GALNT17: variants seen among roughly 807,000 people sequenced by gnomAD.
The protein encoded by GALNT17 is polypeptide N-acetylgalactosaminyltransferase 17, also known as UDP-GalNAc:polypeptide N-acetylgalactosaminyltransferase-like 3.
GALNT17 carries 29 observed loss-of-function variants against 63.7 expected under a neutral mutation model. The ratio of observed to expected loss-of-function variants is 0.46; its 90% confidence interval spans 0.34 to 0.62. The LOEUF (loss-of-function observed/expected upper bound fraction) is 0.62, where lower values mean the gene tolerates loss of function less well. GALNT17 is among the 20% of genes least tolerant of loss of function. The probability of loss-of-function intolerance (pLI) is 0.01; values close to 1 mark genes in which losing one functional copy is unlikely to be tolerated. For synonymous variants in GALNT17, 305 were observed against 318.3 expected (o/e 0.96, Z 0.45); for missense variants, 603 against 799.6 (o/e 0.75, Z 2.97).
At chr7:71,166,532 C>A (rs1338064564) in intron 1 of GALNT17, among the ~76,000 whole-genome samples, 1 of 152,192 alleles carries the variant, frequency 6.6e-6, no homozygotes, top group Non-Finnish European at 1.5e-5. Context: ...TTTACTGAGG[C>A]AACCACTGAT....
intron 1 of GALNT17, among the ~76,000 whole-genome samples, chr7:71,293,056 T>C (rs773241883): frequency 6.7e-5 from 10 of 149,264 alleles, no homozygotes; most frequent in Admixed American, 2.0e-4. Context: ...TGCTATTCCA[T>C]TGTGTATGTG....
chr7:71,439,941 CTCT>C, intron 5 of GALNT17, among the ~76,000 whole-genome samples: 1 of 145,158 alleles, frequency 6.9e-6, no homozygotes, highest in South Asian at 2.3e-4. Context: ...CTTCCAGGCC[CTCT>C]TTTTTTTTTT....
At chr7:71,242,976 A>G (rs892665027) in intron 1 of GALNT17, among the ~76,000 whole-genome samples, 5 of 152,164 alleles carry the variant, frequency 3.3e-5, no homozygotes, top group Admixed American at 6.5e-5. Flanking sequence ...TAGATAACCT[A>G]TCTGGTCCAC....
At chr7:71,138,638 A>G (rs1787830275) in intron 1 of GALNT17, among the ~76,000 whole-genome samples, 1 of 152,216 alleles carries the variant, frequency 6.6e-6, no homozygotes, top group Non-Finnish European at 1.5e-5. Flanking sequence ...TGTTAAAAAA[A>G]TTTAACATGA....
At chr7:71,189,733 T>G (rs900526456) in intron 1 of GALNT17, among the ~76,000 whole-genome samples, 1 of 152,132 alleles carries the variant, frequency 6.6e-6, no homozygotes, top group African/African-American at 2.4e-5. Context: ...CATCTTTAGT[T>G]TGAGCTTTTA....
At chr7:71,133,790 C>G (rs1787732328) in intron 1 of GALNT17, among the ~76,000 whole-genome samples, 1 of 152,150 alleles carries the variant, frequency 6.6e-6, no homozygotes, top group African/African-American at 2.4e-5. Context: ...TCTTGTCACA[C>G]CTGGGCCAGG....
chr7:71,679,510 G>A, intron 9 of GALNT17, among the ~76,000 whole-genome samples: 1 of 152,190 alleles, frequency 6.6e-6, no homozygotes, highest in East Asian at 1.9e-4. Context: ...CTGGTATGAT[G>A]CAGTCTTTGC....
At chr7:71,401,792 C>T (rs1400819180) in intron 3 of GALNT17, among the ~76,000 whole-genome samples, 2 of 152,134 alleles carry the variant, frequency 1.3e-5, no homozygotes, top group African/African-American at 2.4e-5. Flanking sequence ...AAAACAAGCT[C>T]AGGGCTCCCA....
At chr7:71,465,828 A>G (rs1388730705) in intron 5 of GALNT17, among the ~76,000 whole-genome samples, 1 of 152,202 alleles carries the variant, frequency 6.6e-6, no homozygotes, top group Non-Finnish European at 1.5e-5. Context: ...TATGGTGGTA[A>G]GTCAGCTTTT....
chr7:71,152,043 A>G (rs748138725), intron 1 of GALNT17, among the ~76,000 whole-genome samples: 1 of 152,282 alleles, frequency 6.6e-6, no homozygotes, highest in African/African-American at 2.4e-5. Context: ...AGAGCTCTTT[A>G]ATGATGTTAA....
chr7:71,583,996 G>A (rs1471739479), intron 6 of GALNT17, among the ~76,000 whole-genome samples: 1 of 152,050 alleles, frequency 6.6e-6, no homozygotes, highest in Non-Finnish European at 1.5e-5. Flanking sequence ...GCCGGGCGTG[G>A]TGGCACGCGC....
At chr7:71,609,080 C>T (rs746862896) in intron 6 of GALNT17, among the ~76,000 whole-genome samples, 1 of 152,118 alleles carries the variant, frequency 6.6e-6, no homozygotes, top group African/African-American at 2.4e-5. Context: ...TGCACCCAGC[C>T]ATCTTTTACT....
intron 1 of GALNT17, among the ~76,000 whole-genome samples, chr7:71,321,964 T>TTG: frequency 3.0e-5 from 1 of 33,344 alleles, no homozygotes; most frequent in East Asian, 7.7e-4. Flanking sequence ...TTCCTTCCTT[T>TTG]TTTTTGAGAC....
chr7:71,239,609 C>A (rs915574873), intron 1 of GALNT17, among the ~76,000 whole-genome samples: 1 of 152,180 alleles, frequency 6.6e-6, no homozygotes, highest in African/African-American at 2.4e-5. Flanking sequence ...ACAGCAGTAT[C>A]TAGAAGGGCC....
chr7:71,511,293 C>T (rs1788351373), intron 5 of GALNT17, among the ~76,000 whole-genome samples: 1 of 152,102 alleles, frequency 6.6e-6, no homozygotes, highest in Admixed American at 6.5e-5. Flanking sequence ...TGGCAAGGAT[C>T]AGATAGGAAA....
rs574797490 is a variant in GALNT17 at position 71,490,893 on chromosome 7, CTT to C, written c.962+69790_962+69791del. ...CCAGCCTAGGTAGCAGACCCTGTCT[CTT>C]TAAAAAAAGGAAAAATGACTGGGCG... On this transcript the variant is annotated intron_variant, in intron 5 of 10. Coordinates refer to ENST00000333538, the MANE Select transcript of GALNT17 (RefSeq NM_022479.3). Among the ~76,000 whole-genome samples the C allele has an allele frequency of 1.5e-3, 226 of 151,960 alleles. 1 individual carries two copies. The highest frequency in any genetic ancestry group is 2.6e-3 in the Non-Finnish European group (179 of 67,942).
At chr7:71,316,037 G>C (rs1791492277) in intron 1 of GALNT17, among the ~76,000 whole-genome samples, 1 of 152,158 alleles carries the variant, frequency 6.6e-6, no homozygotes, top group South Asian at 2.1e-4. Flanking sequence ...ACTTATGTAA[G>C]GTAATGCAAC....
At chr7:71,370,508 A>C (rs745632028) in intron 2 of GALNT17, among the ~76,000 whole-genome samples, 3 of 152,014 alleles carry the variant, frequency 2.0e-5, no homozygotes, top group Non-Finnish European at 4.4e-5. Context: ...TTTTTGAGAC[A>C]GAGTTTCCAT....
chr7:71,194,467 A>G (rs534448247), intron 1 of GALNT17, among the ~76,000 whole-genome samples: 1 of 152,308 alleles, frequency 6.6e-6, no homozygotes, highest in African/African-American at 2.4e-5. Context: ...TCCCTGGCAG[A>G]TACAGTATTG....
Sources: allele counts gnomAD v4.1 joint callset (sites outside exome capture counted in the v4.1 genomes callset), GRCh38; gene constraint gnomAD v4.1.1; transcripts MANE v1.5; gene names NCBI Gene and HGNC (gene_info 2026-07-23, HGNC 2026-07-21).